The following UNC93A variants were observed in gnomAD, a reference collection of about 807,000 sequenced individuals.
UNC93A encodes unc-93 homolog A, also known as N-acetylglucosamine transporter UNC93A.
A neutral mutation model predicts 47.5 loss-of-function variants in UNC93A; 43 were observed. The observed-to-expected ratio is 0.91, with a 90% CI of 0.71 to 1.17. The LOEUF is 1.17. UNC93A is among the 50% of genes most tolerant of loss of function. The pLI, the probability that UNC93A is intolerant of heterozygous loss-of-function variation, is 0.00. For missense variants in UNC93A, 605 were observed against 577.6 expected (o/e 1.05, Z -0.49); for synonymous variants, 280 against 258.0 (o/e 1.09, Z -0.82).
intron 1 of UNC93A, 57 bp downstream of exon 1, chr6:167,291,633 G>C: frequency 6.7e-7 from 1 of 1,495,026 alleles, no homozygotes; most frequent in East Asian, 2.3e-5. Context: ...GAATCCCTGT[G>C]GTCACAGACA....
rs1783836353 is a variant in UNC93A at position 167,291,386 on chromosome 6, T to C, written c.-104T>C. 1.1e-6 allele frequency: 1 copy of C among 909,918 alleles called. No homozygotes were observed. The allele number at this position is 909,918 out of a possible 1,614,324, so 56.4% of individuals were successfully genotyped here. On this transcript the variant is annotated 5_prime_UTR_variant, in exon 1 of 8. The change abolishes an upstream ATG in the 5' untranslated region. Coordinates refer to ENST00000230256, the MANE Select transcript of UNC93A (RefSeq NM_018974.4). ...CCTCTAGCTCAGATGAGAGAGAGAATGGGACTTCTTGGTACTGATTGTTTT... is the reference window on the plus strand; with the variant it reads ...CCTCTAGCTCAGATGAGAGAGAGAACGGGACTTCTTGGTACTGATTGTTTT...
At chr6:167,283,946 C>T (rs1004377542) in intron 1 of UNC93A, among the ~76,000 whole-genome samples, 9 of 152,214 alleles carry the variant, frequency 5.9e-5, no homozygotes, top group Non-Finnish European at 1.3e-4. Context: ...GCATCAGGAT[C>T]TCACAGCACA....
chr6:167,303,887 T>A (rs367740669), intron 4 of UNC93A, 32 bp from the exon 5 acceptor site: 11 of 1,610,882 alleles, frequency 6.8e-6, no homozygotes, highest in Non-Finnish European at 8.5e-6. Flanking sequence ...TGGGCCCCCA[T>A]GAAAGCTGAA....
intron 1 of UNC93A, among the ~76,000 whole-genome samples, chr6:167,276,688 C>T (rs1783549045): frequency 6.6e-6 from 1 of 152,126 alleles, no homozygotes; most frequent in African/African-American, 2.4e-5. Context: ...TGGTTTATTC[C>T]AGGACTCTTC....
In UNC93A at chr6:167,276,819, G is replaced by T. The variant is rs184042643; in HGVS notation, c.-52+5361G>T. 8.5e-5 allele frequency among the ~76,000 whole-genome samples: 13 copies of T among 152,298 alleles called. No homozygotes were observed. In the East Asian group the frequency reaches 2.5e-3, roughly 29 times the overall value. On this transcript the variant is annotated intron_variant, in intron 1 of 3. Coordinates refer to the UNC93A transcript ENST00000503433. ...TAGAATTTAGGAAACCCCGGGAGTCGTGGCCATCCCTGTCATCACACCTGG... is the reference window on the plus strand; with the variant it reads ...TAGAATTTAGGAAACCCCGGGAGTCTTGGCCATCCCTGTCATCACACCTGG...
intron 4 of UNC93A, 80 bp downstream of exon 4, chr6:167,298,150 C>T: frequency 1.3e-6 from 2 of 1,532,404 alleles, no homozygotes; most frequent in Middle Eastern, 1.9e-4. Flanking sequence ...AAGACTGTCT[C>T]TCCCAATGTA....
At chr6:167,313,051 G>A (rs1352751637) in intron 7 of UNC93A, among the ~76,000 whole-genome samples, 1 of 152,202 alleles carries the variant, frequency 6.6e-6, no homozygotes, top group African/African-American at 2.4e-5. Context: ...TCCCTCTGTG[G>A]GTGTGGACCC....
At chr6:167,287,721 G>A (rs1337977305), upstream of UNC93A, among the ~76,000 whole-genome samples, 1 of 151,234 alleles carries the variant, frequency 6.6e-6, no homozygotes, top group African/African-American at 2.4e-5. Context: ...ATATGTGTGT[G>A]TGTGCATGCG....
chr6:167,280,823 C>T (rs920874034), intron 1 of UNC93A, among the ~76,000 whole-genome samples: 4 of 152,060 alleles, frequency 2.6e-5, no homozygotes, highest in Admixed American at 6.5e-5. Context: ...GTTAGGTAAC[C>T]GGTTGGATCA....
At chr6:167,302,015 T>C in intron 4 of UNC93A, among the ~76,000 whole-genome samples, 1 of 152,154 alleles carries the variant, frequency 6.6e-6, no homozygotes, top group East Asian at 1.9e-4. Flanking sequence ...ACAAACTTCA[T>C]GAGAATCTTG....
intron 7 of UNC93A, among the ~76,000 whole-genome samples, chr6:167,314,174 A>G (rs1053548300): frequency 2.0e-5 from 3 of 152,206 alleles, no homozygotes; most frequent in Non-Finnish European, 2.9e-5. Context: ...TGTCTCCAGC[A>G]CTAAGGGAGG....
At chr6:167,284,649 G>A (rs1364736954) in intron 1 of UNC93A, among the ~76,000 whole-genome samples, 1 of 152,294 alleles carries the variant, frequency 6.6e-6, no homozygotes. Flanking sequence ...TTCATTAACT[G>A]AACACACTGG....
chr6:167,272,821 A>C (rs1196528385), intron 1 of UNC93A, among the ~76,000 whole-genome samples: 2 of 152,208 alleles, frequency 1.3e-5, no homozygotes, highest in African/African-American at 4.8e-5. Context: ...GGAAGCCTTC[A>C]GGTAGCAGGC....
At chr6:167,274,552 C>A (rs1483438582) in intron 1 of UNC93A, among the ~76,000 whole-genome samples, 1 of 152,132 alleles carries the variant, frequency 6.6e-6, no homozygotes, top group Non-Finnish European at 1.5e-5. Context: ...TAACTCAAGG[C>A]CTGGATCCAG....
chr6:167,276,025 A>G (rs1783535745), intron 1 of UNC93A, among the ~76,000 whole-genome samples: 1 of 147,272 alleles, frequency 6.8e-6, no homozygotes, highest in South Asian at 2.2e-4. Context: ...CCTCCATTCT[A>G]CTTTTTAACT....
Position 167,315,303 on chromosome 6 carries a change from G to T in UNC93A, c.1225G>T (p.Val409Phe). Residue 409 changes from valine (V) to phenylalanine (F), a missense_variant, in exon 8 of 8, where the codon GTC becomes TTC. By Grantham distance (50) the Val-to-Phe change is conservative. Coordinates refer to ENST00000230256, the MANE Select transcript of UNC93A (RefSeq NM_018974.4). ...FGYSMFLCVH[V>F]KLYILLGVLS... Reference sequence around the variant, plus strand: ...GTACAGCATGTTTTTGTGCGTGCACGTCAAGCTCTACATTCTGCTGGGGGT... The same window carrying T: ...GTACAGCATGTTTTTGTGCGTGCACTTCAAGCTCTACATTCTGCTGGGGGT... 6.2e-7 allele frequency: 1 copy of T among 1,612,938 alleles called. No individual in the cohort carries two copies. Among genetic ancestry groups the T allele is most frequent in the Non-Finnish European group, 8.5e-7 (1 of 1,179,272 alleles).
At chr6:167,312,484 A>T (rs1373465880) in intron 7 of UNC93A, among the ~76,000 whole-genome samples, 1 of 152,194 alleles carries the variant, frequency 6.6e-6, no homozygotes, top group Non-Finnish European at 1.5e-5. Flanking sequence ...TGTATTTATT[A>T]CTCAATCATT....
chr6:167,279,721 G>A (rs969268707), intron 1 of UNC93A, among the ~76,000 whole-genome samples: 19 of 152,250 alleles, frequency 1.2e-4, no homozygotes, highest in East Asian at 1.9e-4. Context: ...AAAAATGTGC[G>A]TATATTTTGC....
chr6:167,304,961 AG>A (rs1778339957), intron 5 of UNC93A, among the ~76,000 whole-genome samples: 1 of 152,148 alleles, frequency 6.6e-6, no homozygotes, highest in African/African-American at 2.4e-5. Flanking sequence ...TCTCCCCTCA[AG>A]GTGAGAGAGG....
Sources: gnomAD v4.1 joint callset for allele counts (sites outside exome capture counted in the v4.1 genomes callset) on GRCh38, gnomAD v4.1.1 for gene constraint, MANE v1.5 for transcripts, NCBI Gene and HGNC (gene_info 2026-07-23, HGNC 2026-07-21) for gene names.